FAM13C: variants seen among roughly 807,000 people sequenced by gnomAD.
FAM13C encodes protein FAM13C.
Under a neutral mutation model 73.2 loss-of-function variants are expected in FAM13C, and 37 were observed. The ratio of observed to expected loss-of-function variants is 0.51; its 90% CI spans 0.39 to 0.67. The LOEUF is 0.67. Among genes scored for constraint, FAM13C ranks in the 30% least tolerant of loss-of-function variants. The pLI is 0.00. For synonymous variants in FAM13C, 246 were observed against 260.9 expected, an observed-to-expected ratio of 0.94 and a Z score of 0.55; for missense variants, 589 against 715.6, an observed-to-expected ratio of 0.82 and a Z score of 2.02.
At chr10:59,338,291 A>G (rs866815731) in intron 3 of FAM13C, among the ~76,000 whole-genome samples, 2 of 152,064 alleles carry the variant, frequency 1.3e-5, no homozygotes, top group African/African-American at 4.8e-5. Flanking sequence ...TTTCCCCAGG[A>G]CAGATAACAT....
chr10:59,266,919 T>C (rs2133521617), intron 8 of FAM13C, among the ~76,000 whole-genome samples: 1 of 152,344 alleles, frequency 6.6e-6, no homozygotes, highest in African/African-American at 2.4e-5. Flanking sequence ...GTTTGTGTTA[T>C]CTAGGACCAT....
chr10:59,268,557 T>C lies in FAM13C; in HGVS notation c.938A>G (p.Tyr313Cys), dbSNP rs1169979085. 2 of 1,613,556 alleles carry C rather than the reference T, an allele frequency of 1.2e-6. No individual in the cohort carries two copies. Among genetic ancestry groups the C allele is most frequent in the Admixed American group, 3.3e-5 (2 of 59,988 alleles). Residue 313 changes from tyrosine to cysteine, a missense_variant, in exon 8 of 14, where the codon TAC (tyrosine) becomes TGC (cysteine). Physicochemically the swap from Tyr to Cys is radical, Grantham distance 194 (BLOSUM62 -2). Transcript: ENST00000618804. Reference sequence around the variant, plus strand: ...GTCAAACCCCAGGGTTCTTACCCGGTATTTCTTTTCTTGTTCAAATTTTTC... The same window carrying C: ...GTCAAACCCCAGGGTTCTTACCCGGCATTTCTTTTCTTGTTCAAATTTTTC... ...FEEKFEQEKK[Y>C]RPSHGDKTSN...
intron 6 of FAM13C, among the ~76,000 whole-genome samples, chr10:59,276,232 G>T (rs1844309096): frequency 6.6e-6 from 1 of 152,108 alleles, no homozygotes; most frequent in Admixed American, 6.6e-5. Context: ...GATTCTAGAG[G>T]GGACCTAGGG....
intron 4 of FAM13C, among the ~76,000 whole-genome samples, chr10:59,308,520 G>GCAT (rs1161987131): frequency 1.5e-5 from 1 of 67,116 alleles, no homozygotes; most frequent in Non-Finnish European, 3.4e-5. Flanking sequence ...CCACCCACCA[G>GCAT]CATCACCCCC....
chr10:59,277,318 A>G (rs1844431307), intron 6 of FAM13C, among the ~76,000 whole-genome samples: 1 of 152,228 alleles, frequency 6.6e-6, no homozygotes, highest in South Asian at 2.1e-4. Context: ...TAATTATTTC[A>G]TATTTATTTT....
intron 3 of FAM13C, among the ~76,000 whole-genome samples, chr10:59,328,376 G>T (rs1282646172): frequency 1.3e-5 from 2 of 152,178 alleles, no homozygotes; most frequent in African/African-American, 4.8e-5. Context: ...ATTTTAGTGA[G>T]TTCAGCTGAC....
chr10:59,327,302 T>C (rs1851287886), intron 3 of FAM13C, among the ~76,000 whole-genome samples: 1 of 152,180 alleles, frequency 6.6e-6, no homozygotes, highest in East Asian at 1.9e-4. Flanking sequence ...CTTTCAAAGG[T>C]CTTGTGCTGC....
At chr10:59,302,678 A>G in intron 5 of FAM13C, 123 bp downstream of exon 5, 1 of 831,194 alleles carries the variant, frequency 1.2e-6, no homozygotes, top group Non-Finnish European at 1.9e-6. Flanking sequence ...AAGTATTACA[A>G]GTTCACTTAA....
At chr10:59,338,972 C>G (rs1031636190) in intron 3 of FAM13C, among the ~76,000 whole-genome samples, 1 of 152,196 alleles carries the variant, frequency 6.6e-6, no homozygotes, top group Non-Finnish European at 1.5e-5. Flanking sequence ...AGTCCAAAAT[C>G]AAGGTTTCAG....
Position 59,362,497 on chromosome 10 carries a change from C to T in FAM13C, c.-37G>A, listed in dbSNP as rs1409592336. The T allele has an allele frequency of 6.2e-7, 1 of 1,607,372 alleles. No individual in the cohort carries two copies. Among genetic ancestry groups the T allele is most frequent in the Non-Finnish European group, 8.5e-7 (1 of 1,176,554 alleles). On this transcript the variant is annotated 5_prime_UTR_variant, in exon 1 of 14. Coordinates refer to ENST00000618804, the MANE Select transcript of FAM13C (RefSeq NM_198215.4). ...GGCCGGGGAGCCGTCTCCCTGATTG[C>T]TCTCCGGGAGTTAGAGCACATACAC...
chr10:59,334,521 A>G (rs1376814513), intron 3 of FAM13C, among the ~76,000 whole-genome samples: 1 of 152,192 alleles, frequency 6.6e-6, no homozygotes, highest in Non-Finnish European at 1.5e-5. Context: ...ATGTCCAACA[A>G]TGATAGACTG....
At chr10:59,308,494 G>T (rs985413699) in intron 4 of FAM13C, among the ~76,000 whole-genome samples, 2 of 142,276 alleles carry the variant, frequency 1.4e-5, no homozygotes, top group Non-Finnish European at 3.0e-5. Context: ...CACTACCATT[G>T]CCACCACCAC....
At chr10:59,268,006 G>A (rs909024981) in intron 8 of FAM13C, among the ~76,000 whole-genome samples, 3 of 152,116 alleles carry the variant, frequency 2.0e-5, no homozygotes, top group African/African-American at 7.2e-5. Context: ...GAAAACTAGT[G>A]TCTCTCTGAT....
rs542864898 is a variant in FAM13C at position 59,341,546 on chromosome 10, G to A, written c.324+10724C>T. ...CTACTGAAAATACAAAAAATTAGCT[G>A]GGCATGGTGGTGCATGCCTGTAATC... On this transcript the variant is annotated intron_variant, in intron 3 of 13. Coordinates refer to ENST00000618804, the MANE Select transcript of FAM13C (RefSeq NM_198215.4). Among the ~76,000 whole-genome samples, 414 of 152,166 alleles carry A rather than the reference G, an allele frequency of 2.7e-3. 2 individuals are homozygous for A. The highest frequency in any genetic ancestry group is 9.7e-3 in the African/African-American group (402 of 41,502).
intron 6 of FAM13C, among the ~76,000 whole-genome samples, chr10:59,276,730 G>A (rs1004145424): frequency 1.3e-5 from 2 of 152,158 alleles, no homozygotes; most frequent in African/African-American, 4.8e-5. Context: ...TGACATGGAA[G>A]AAGAAATTTT....
chr10:59,276,800 A>T (rs1844366412), intron 6 of FAM13C, among the ~76,000 whole-genome samples: 1 of 152,200 alleles, frequency 6.6e-6, no homozygotes, highest in South Asian at 2.1e-4. Flanking sequence ...CAAGATTTTC[A>T]CGCCAAAGAT....
chr10:59,329,343 T>G (rs1332245213), intron 3 of FAM13C, among the ~76,000 whole-genome samples: 11 of 1,146 alleles, frequency 9.6e-3, no homozygotes, highest in African/African-American at 0.044. Context: ...TTCTTTCTGG[T>G]TTTTTTTTTT....
intron 3 of FAM13C, among the ~76,000 whole-genome samples, chr10:59,346,834 C>T (rs1230824456): frequency 6.6e-6 from 1 of 152,080 alleles, no homozygotes; most frequent in African/African-American, 2.4e-5. Flanking sequence ...ATAATCTGTG[C>T]CTTAAATCAG....
At chr10:59,280,972 G>A (rs284619) in intron 6 of FAM13C, among the ~76,000 whole-genome samples, 113,471 of 152,206 alleles carry the variant, frequency 0.75, 44,494 homozygotes, top group East Asian at 0.9. Context: ...CATATCACAT[G>A]TTCAAATCCG....
Sources: gnomAD v4.1 joint callset for allele counts (sites outside exome capture counted in the v4.1 genomes callset) on GRCh38, gnomAD v4.1.1 for gene constraint, MANE v1.5 for transcripts, NCBI Gene and HGNC (gene_info 2026-07-23, HGNC 2026-07-21) for gene names.